FAM53B: variants seen among roughly 807,000 people sequenced by gnomAD.
FAM53B encodes the protein family with sequence similarity 53 member B, also known as protein FAM53B.
A neutral mutation model predicts 32.7 loss-of-function variants in FAM53B; 12 were observed. The observed-to-expected ratio is 0.37, with a 90% CI of 0.24 to 0.59. FAM53B has a LOEUF of 0.59. FAM53B is among the 20% of genes least tolerant of loss of function. The pLI, the probability that FAM53B is intolerant of heterozygous loss-of-function variation, is 0.72. For synonymous variants in FAM53B, 234 were observed against 228.7 expected, an observed-to-expected ratio of 1.02 and a Z score of -0.21; for missense variants, 477 against 577.7, an observed-to-expected ratio of 0.83 and a Z score of 1.79.
At position 124,621,808 on chromosome 10, in the gene FAM53B, C is replaced by G. The variant is rs1430179808; in HGVS notation, c.*1434G>C. On this transcript the variant is annotated 3_prime_UTR_variant, in exon 5 of 5. Transcript: ENST00000337318. The stretch of plus-strand genomic sequence containing the variant: ...AAGTGCTTTGAACGCGCGTGTCAGC[C>G]AACACAAGGGAGCGCACCAGTTATT... 1 of 152,292 alleles carries G rather than the reference C, an allele frequency of 6.6e-6. No homozygotes were observed. Among genetic ancestry groups the G allele is most frequent in the South Asian group, 2.1e-4 (1 of 4,834 alleles). 9.4% of individuals were successfully genotyped at this position (152,292 alleles called of 1,614,324 possible). A position where few individuals can be genotyped will look rare whatever the true frequency, so the allele number is the denominator to read the frequency against.
intron 3 of FAM53B, among the ~76,000 whole-genome samples, chr10:124,689,461 C>T (rs1485382747): frequency 6.6e-6 from 1 of 152,230 alleles, no homozygotes; most frequent in Non-Finnish European, 1.5e-5. Context: ...GCTTCAGGTC[C>T]TGCCCACGCA....
intron 4 of FAM53B, among the ~76,000 whole-genome samples, chr10:124,629,894 G>A (rs752783347): frequency 6.6e-6 from 1 of 152,232 alleles, no homozygotes; most frequent in Non-Finnish European, 1.5e-5. Context: ...CCCTGCCCCT[G>A]GGGCCAGAGG....
intron 1 of FAM53B, among the ~76,000 whole-genome samples, chr10:124,720,960 G>A (rs1950065307): frequency 6.6e-6 from 1 of 152,204 alleles, no homozygotes. Context: ...AGCACTTTGG[G>A]AGGCCAAGAC....
intron 4 of FAM53B, among the ~76,000 whole-genome samples, chr10:124,677,962 T>C (rs557477404): frequency 6.6e-6 from 1 of 152,226 alleles, no homozygotes; most frequent in South Asian, 2.1e-4. Flanking sequence ...GAACACCGAG[T>C]TGACTACAGG....
At chr10:124,652,731 C>T (rs1018538692) in intron 4 of FAM53B, among the ~76,000 whole-genome samples, 15 of 152,222 alleles carry the variant, frequency 9.9e-5, no homozygotes, top group African/African-American at 3.6e-4. Context: ...CATTCCCCAT[C>T]TGTCCTATAT....
At chr10:124,630,718 T>TACCCC (rs1269865266) in intron 4 of FAM53B, among the ~76,000 whole-genome samples, 1 of 151,822 alleles carries the variant, frequency 6.6e-6, no homozygotes, top group Non-Finnish European at 1.5e-5. Context: ...CCAGTGGGGG[T>TACCCC]GGTAAATATC....
Position 124,681,904 on chromosome 10 carries a change from C to T in FAM53B, c.609G>A (p.Pro203=), listed in dbSNP as rs761733972. ...QPCQGVPGSA[P]CGQAGDTWSP... The stretch of plus-strand genomic sequence containing the variant: ...TCCAGGTGTCACCTGCCTGTCCACA[C>T]GGGGCTGAGCCTGGCACCCCTTGGC... Residue 203 remains proline (P), a synonymous_variant, in exon 4 of 5, where the codon CCG becomes CCA. Transcript: ENST00000337318. The T allele has an allele frequency of 3.0e-5, 48 of 1,613,778 alleles. No homozygotes were observed. The highest frequency in any genetic ancestry group is 2.0e-4 in the Admixed American group (12 of 60,000).
intron 4 of FAM53B, chr10:124,623,878 G>C: frequency 2.3e-6 from 1 of 435,460 alleles, no homozygotes; most frequent in Non-Finnish European, 4.1e-6. Context: ...ACCCAGTTCT[G>C]GGGGGCTGCG....
intron 1 of FAM53B, 95 bp from the exon 2 acceptor site, chr10:124,706,982 C>A: frequency 1.8e-6 from 2 of 1,136,886 alleles, no homozygotes; most frequent in Non-Finnish European, 2.3e-6. Context: ...TCCCAGGGGA[C>A]TGGAACCACC....
chr10:124,679,342 C>A (rs532804861), intron 4 of FAM53B, among the ~76,000 whole-genome samples: 4 of 152,216 alleles, frequency 2.6e-5, no homozygotes, highest in Non-Finnish European at 5.9e-5. Flanking sequence ...TCTGGCAACA[C>A]GTTAGTCCTT....
intron 4 of FAM53B, among the ~76,000 whole-genome samples, chr10:124,631,824 C>T (rs1949392932): frequency 6.6e-6 from 1 of 152,172 alleles, no homozygotes; most frequent in Non-Finnish European, 1.5e-5. Context: ...GATTCCTTCT[C>T]TCCCACCAAA....
intron 4 of FAM53B, among the ~76,000 whole-genome samples, chr10:124,645,626 G>A (rs750237839): frequency 2.3e-4 from 35 of 152,332 alleles, no homozygotes; most frequent in Non-Finnish European, 4.4e-4. Flanking sequence ...GGTCTCAGGC[G>A]CCTTTTCTTA....
intron 4 of FAM53B, among the ~76,000 whole-genome samples, chr10:124,635,631 T>G (rs953189281): frequency 5.3e-5 from 8 of 152,106 alleles, no homozygotes; most frequent in African/African-American, 1.9e-4. Flanking sequence ...CCTACAGCGT[T>G]AACCTGGCGA....
At chr10:124,629,980 A>G (rs1205604722) in intron 4 of FAM53B, among the ~76,000 whole-genome samples, 1 of 152,166 alleles carries the variant, frequency 6.6e-6, no homozygotes, top group Non-Finnish European at 1.5e-5. Flanking sequence ...GGCATGGCCA[A>G]CCTTTCCCTA....
intron 1 of FAM53B, among the ~76,000 whole-genome samples, chr10:124,708,595 A>G (rs1160344041): frequency 3.3e-5 from 5 of 152,274 alleles, no homozygotes; most frequent in Non-Finnish European, 7.3e-5. Flanking sequence ...CAGCTGAGCC[A>G]GAAATGCCTG....
At chr10:124,706,573 C>A in intron 2 of FAM53B, 63 bp downstream of exon 2, 1 of 1,604,230 alleles carries the variant, frequency 6.2e-7, no homozygotes, top group Non-Finnish European at 8.5e-7. Flanking sequence ...CAGTCCACAG[C>A]CCTGTCTGTA....
intron 4 of FAM53B, among the ~76,000 whole-genome samples, chr10:124,671,769 A>G (rs1234776507): frequency 6.6e-6 from 1 of 152,034 alleles, no homozygotes; most frequent in African/African-American, 2.4e-5. Flanking sequence ...TTGTTTTCCA[A>G]GAGTTTTTTT....
At chr10:124,628,077 C>T (rs1949367377) in intron 4 of FAM53B, among the ~76,000 whole-genome samples, 1 of 152,232 alleles carries the variant, frequency 6.6e-6, no homozygotes, top group African/African-American at 2.4e-5. Context: ...CTCCCAGGTG[C>T]TGCTGTTCCT....
At chr10:124,672,217 C>T (rs1303857213) in intron 4 of FAM53B, among the ~76,000 whole-genome samples, 3 of 152,258 alleles carry the variant, frequency 2.0e-5, no homozygotes, top group African/African-American at 7.2e-5. Context: ...AGGCACCAGC[C>T]GTGCTGGGCT....
Sources: gnomAD v4.1 joint callset for allele counts (sites outside exome capture counted in the v4.1 genomes callset) on GRCh38, gnomAD v4.1.1 for gene constraint, MANE v1.5 for transcripts, NCBI Gene and HGNC (gene_info 2026-07-23, HGNC 2026-07-21) for gene names.